DTNA: variants seen among roughly 807,000 people sequenced by gnomAD.
DTNA encodes dystrobrevin alpha, also known as dystrophin-related protein 3.
DTNA carries 43 observed loss-of-function variants against 100.7 expected under a neutral mutation model. That is an observed-to-expected ratio of 0.43 (90% CI 0.33 to 0.55). DTNA has a LOEUF of 0.55. Ranked by LOEUF, DTNA falls within the 20% of genes least tolerant of loss-of-function variation. The pLI, the probability that DTNA is intolerant of heterozygous loss-of-function variation, is 0.04. For synonymous variants in DTNA, 349 were observed against 347.9 expected (o/e 1.00, Z -0.04); for missense variants, 798 against 953.9 (o/e 0.84, Z 2.15).
chr18:34,751,615 T>C (rs936535945), intron 1 of DTNA, among the ~76,000 whole-genome samples: 2 of 152,236 alleles, frequency 1.3e-5, no homozygotes, highest in Non-Finnish European at 2.9e-5. Context: ...CCTGCTTTTC[T>C]TCACGATTCT....
chr18:34,713,182 T>C (rs1034583621), intron 1 of DTNA, among the ~76,000 whole-genome samples: 1 of 152,102 alleles, frequency 6.6e-6, no homozygotes, highest in African/African-American at 2.4e-5. Context: ...ACAATAATGA[T>C]TAATTTGGAG....
At chr18:34,539,526 A>T (rs1307181205) in intron 1 of DTNA, among the ~76,000 whole-genome samples, 3 of 152,002 alleles carry the variant, frequency 2.0e-5, no homozygotes, top group African/African-American at 7.2e-5. Flanking sequence ...CAGGAATCAG[A>T]GGTTCCAGGC....
chr18:34,680,181 AACACAC>A (rs201941772), intron 1 of DTNA, among the ~76,000 whole-genome samples: 2 of 151,920 alleles, frequency 1.3e-5, no homozygotes. Context: ...AGTTAAACAC[AACACAC>A]ACACACACTC....
intron 1 of DTNA, among the ~76,000 whole-genome samples, chr18:34,507,830 C>T (rs538813626): frequency 5.9e-5 from 9 of 152,158 alleles, no homozygotes; most frequent in African/African-American, 9.7e-5. Context: ...TTGTGCTACA[C>T]GCTAACGTTG....
chr18:34,550,620 G>C (rs1442233027), intron 1 of DTNA, among the ~76,000 whole-genome samples: 1 of 152,094 alleles, frequency 6.6e-6, no homozygotes, highest in African/African-American at 2.4e-5. Flanking sequence ...CAAATTAAAT[G>C]CATTGTCAAA....
At chr18:34,623,785 A>G (rs1410344113) in intron 1 of DTNA, among the ~76,000 whole-genome samples, 1 of 152,266 alleles carries the variant, frequency 6.6e-6, no homozygotes, top group Non-Finnish European at 1.5e-5. Context: ...GGCATCATGT[A>G]TAGCAAGAAA....
intron 1 of DTNA, among the ~76,000 whole-genome samples, chr18:34,647,190 A>C (rs1240980): frequency 0.11 from 17,238 of 151,570 alleles, 1,035 homozygotes; most frequent in African/African-American, 0.14. Context: ...AAGATCCTTA[A>C]ATTTTTACAT....
intron 1 of DTNA, among the ~76,000 whole-genome samples, chr18:34,605,302 T>C (rs188080060): frequency 1.1e-3 from 175 of 152,284 alleles, no homozygotes; most frequent in African/African-American, 3.8e-3. Context: ...CAAAAACTTA[T>C]TTTGAATACC....
At chr18:34,500,850 T>G (rs2039838160) in intron 1 of DTNA, among the ~76,000 whole-genome samples, 1 of 152,196 alleles carries the variant, frequency 6.6e-6, no homozygotes, top group African/African-American at 2.4e-5. Context: ...ATGTGACATG[T>G]TAAATCATGC....
At chr18:34,867,085 C>A (rs1446282870) in intron 17 of DTNA, 1 of 1,230,590 alleles carries the variant, frequency 8.1e-7, no homozygotes, top group Non-Finnish European at 1.0e-6. Context: ...GACAATATAT[C>A]CCACTCACTA....
Position 34,809,694 on chromosome 18 carries a change from CT to C in DTNA, c.449-2263del, listed in dbSNP as rs143511160. ...ATATTTAGCTCGTTCCAGCTACTCC[CT>C]TATTGTTGGTGAACACAGAGCAAGA... On this transcript the variant is annotated intron_variant, in intron 5 of 22. Transcript: ENST00000444659. Among the ~76,000 whole-genome samples, 297 of 152,230 alleles carry C rather than the reference CT, an allele frequency of 2.0e-3. 2 individuals carry two copies. The highest frequency in any genetic ancestry group is 6.3e-3 in the African/African-American group (261 of 41,534).
intron 1 of DTNA, among the ~76,000 whole-genome samples, chr18:34,666,334 T>C (rs1170018724): frequency 6.6e-6 from 1 of 152,050 alleles, no homozygotes; most frequent in East Asian, 1.9e-4. Flanking sequence ...CTTTGTCAGA[T>C]GAGTAGATTG....
chr18:34,704,920 T>C (rs757308312), intron 1 of DTNA, among the ~76,000 whole-genome samples: 5 of 152,094 alleles, frequency 3.3e-5, no homozygotes, highest in Non-Finnish European at 7.3e-5. Context: ...AATATATCCA[T>C]CAAATAGAGA....
chr18:34,834,870 C>G (rs2096103769), intron 11 of DTNA, among the ~76,000 whole-genome samples: 1 of 152,176 alleles, frequency 6.6e-6, no homozygotes, highest in Admixed American at 6.5e-5. Context: ...AATATTCAAA[C>G]CATAGCAATC....
At chr18:34,566,828 GAGAATAAAAGGAGCCT>G (rs1243025193) in intron 1 of DTNA, among the ~76,000 whole-genome samples, 1 of 152,186 alleles carries the variant, frequency 6.6e-6, no homozygotes, top group African/African-American at 2.4e-5. Context: ...GAAAGATCTT[GAGAATAAAAGGAGCCT>G]TAATGTTTAT....
intron 21 of DTNA, among the ~76,000 whole-genome samples, chr18:34,883,102 T>C (rs1243659568): frequency 6.6e-6 from 1 of 152,198 alleles, no homozygotes; most frequent in Non-Finnish European, 1.5e-5. Context: ...CTAAAGGCCA[T>C]GCATTTCCCC....
At chr18:34,822,652 G>A (rs11663098) in intron 9 of DTNA, 15,995 of 153,518 alleles carry the variant, frequency 0.1, 1,075 homozygotes, top group South Asian at 0.16. Flanking sequence ...GTGTGCACGT[G>A]TGTGTCTGCA....
At chr18:34,553,661 C>G (rs1010959850) in intron 1 of DTNA, among the ~76,000 whole-genome samples, 2 of 151,330 alleles carry the variant, frequency 1.3e-5, no homozygotes, top group Admixed American at 6.6e-5. Context: ...GCTTGTTTTT[C>G]TCAGGTTTGT....
rs578083944 is a variant in DTNA at position 34,889,033 on chromosome 18, G to C, written c.*1299G>C. 5 of 985,842 alleles carry C rather than the reference G, an allele frequency of 5.1e-6. No homozygotes were observed. The East Asian group carries it at 4.5e-4, about 89-fold the overall frequency. The allele number at this position is 985,842 out of a possible 1,614,324, so 61.1% of individuals were successfully genotyped here. On this transcript the variant is annotated 3_prime_UTR_variant, in exon 23 of 23. Transcript: ENST00000444659. ...GACAAGAGGATAAAAGACTGGGATA[G>C]TCTTTTCCAAGGACCCTCTTTAGAG...
Sources: allele counts gnomAD v4.1 joint callset (sites outside exome capture counted in the v4.1 genomes callset), GRCh38; gene constraint gnomAD v4.1.1; transcripts MANE v1.5; gene names NCBI Gene and HGNC (gene_info 2026-07-23, HGNC 2026-07-21).